The following XIRP2 variants were observed in gnomAD, a reference collection of about 807,000 sequenced individuals.
The protein encoded by XIRP2 is xin actin binding repeat containing 2.
A neutral mutation model predicts 277.0 loss-of-function variants in XIRP2; 236 were observed. The observed-to-expected ratio is 0.85, with a 90% CI of 0.77 to 0.95. The LOEUF (loss-of-function observed/expected upper bound fraction) is 0.95, where lower values mean the gene tolerates loss of function less well. Among genes scored for constraint, XIRP2 ranks in the 40% least tolerant of loss-of-function variants. XIRP2 has a pLI of 0.00. For synonymous variants in XIRP2, 1,490 were observed against 1,416.5 expected (o/e 1.05, Z -1.17); for missense variants, 4,640 against 4,157.5 (o/e 1.12, Z -3.19).
chr2:167,112,170 G>C (rs542947441), intron 2 of XIRP2, among the ~76,000 whole-genome samples: 2 of 151,768 alleles, frequency 1.3e-5, no homozygotes, highest in African/African-American at 4.8e-5. Flanking sequence ...ATTCATTTCA[G>C]CTCTGATTTT....
chr2:167,009,501 T>C lies in XIRP2; in HGVS notation c.408+105611T>C, dbSNP rs549317055. On this transcript the variant is annotated intron_variant, in intron 2 of 10. Transcript: ENST00000409195. ...GGGGTTGATTTCAAGTCTTTGCTAT[T>C]GTGAATAGTGCCGCAACAAACATGC... Among the ~76,000 whole-genome samples, 5 of 152,206 alleles carry C rather than the reference T, an allele frequency of 3.3e-5. 1 individual carries two copies. The South Asian group carries it at 1.0e-3, about 32-fold the overall frequency.
In XIRP2 at chr2:167,259,445, C is replaced by A. The variant is rs970919306; in HGVS notation, c.*1628C>A. On this transcript the variant is annotated 3_prime_UTR_variant, in exon 11 of 11. Coordinates refer to ENST00000409195, the MANE Select transcript of XIRP2 (RefSeq NM_152381.6). Reference sequence around the variant, plus strand: ...AAATAAGATTTTATGAATTTGGATACCCTTTTGAGGAACTTGATGTAAACA... The same window carrying A: ...AAATAAGATTTTATGAATTTGGATAACCTTTTGAGGAACTTGATGTAAACA... The A allele has an allele frequency of 2.7e-5, 37 of 1,374,492 alleles. 1 individual carries two copies. In the South Asian group the frequency reaches 5.3e-4, roughly 20 times the overall value. The allele number at this position is 1,374,492 out of a possible 1,614,324, so 85.1% of individuals were successfully genotyped here. A position where few individuals can be genotyped will look rare whatever the true frequency, so the allele number is the denominator to read the frequency against.
Position 166,963,014 on chromosome 2 carries a change from G to A in XIRP2, c.408+59124G>A, listed in dbSNP as rs1010470713. Among the ~76,000 whole-genome samples the A allele has an allele frequency of 2.6e-5, 4 of 151,684 alleles. No homozygotes were observed. In the South Asian group the frequency reaches 6.2e-4, roughly 24 times the overall value. On this transcript the variant is annotated intron_variant, in intron 2 of 10. Transcript: ENST00000409195. ...AATAGCTAGGAGGAGGATATTGAAT[G>A]TTCCCAACACAAAAAATGATAAATG...
intron 3 of XIRP2, among the ~76,000 whole-genome samples, chr2:167,162,401 G>A (rs1369407463): frequency 6.6e-6 from 1 of 152,186 alleles, no homozygotes; most frequent in Admixed American, 6.5e-5. Flanking sequence ...AGTTCCACAT[G>A]GCTGGGGAAG....
chr2:166,914,170 A>G (rs1684795208), intron 2 of XIRP2, among the ~76,000 whole-genome samples: 2 of 152,210 alleles, frequency 1.3e-5, no homozygotes, highest in African/African-American at 4.8e-5. Flanking sequence ...GCAAAGGCTG[A>G]CATGATGCAG....
chr2:167,064,016 C>A (rs1689238014), intron 2 of XIRP2, among the ~76,000 whole-genome samples: 1 of 151,366 alleles, frequency 6.6e-6, no homozygotes, highest in Non-Finnish European at 1.5e-5. Flanking sequence ...TTCTTTGTTT[C>A]TTTGTTAAAG....
At chr2:166,905,291 T>C (rs1237403656) in intron 2 of XIRP2, among the ~76,000 whole-genome samples, 1 of 151,990 alleles carries the variant, frequency 6.6e-6, no homozygotes, top group African/African-American at 2.4e-5. Context: ...TGTAATAATT[T>C]TGAATATTTA....
chr2:166,945,329 A>T (rs565185589), intron 2 of XIRP2, among the ~76,000 whole-genome samples: 2 of 152,086 alleles, frequency 1.3e-5, no homozygotes, highest in African/African-American at 4.8e-5. Context: ...ATAGGAGTGT[A>T]TGTCTTACAG....
Position 167,247,979 on chromosome 2 carries a change from A to T in XIRP2, c.6587A>T (p.Asn2196Ile), listed in dbSNP as rs1427127283. The T allele has an allele frequency of 6.2e-7, 1 of 1,611,656 alleles. No homozygotes were observed. Among genetic ancestry groups the T allele is most frequent in the South Asian group, 1.1e-5 (1 of 90,426 alleles). ...TLLKQETKYS[N>I]KDIKKKNINL... ...TTAAAGCAAGAAACAAAATATTCTA[A>T]TAAGGATATAAAGAAAAAGAATATA... Residue 2196 changes from asparagine (N) to isoleucine (I), a missense_variant, in exon 9 of 11, where the codon AAT becomes ATT. Asn to Ile is a moderately radical substitution (Grantham distance 149, BLOSUM62 -3). Coordinates refer to ENST00000409195, the MANE Select transcript of XIRP2 (RefSeq NM_152381.6).
At chr2:167,164,445 CAAAAAAAAAAAA>C (rs36066566) in intron 3 of XIRP2, among the ~76,000 whole-genome samples, 1 of 46,642 alleles carries the variant, frequency 2.1e-5, no homozygotes, top group African/African-American at 7.9e-5. Flanking sequence ...GACTCCGTCT[CAAAAAAAAAAAA>C]AAAAAAAAAA....
intron 2 of XIRP2, among the ~76,000 whole-genome samples, chr2:167,029,967 CTT>C (rs758661232): frequency 1.3e-5 from 2 of 151,952 alleles, no homozygotes; most frequent in African/African-American, 4.8e-5. Context: ...AGGAATTTAT[CTT>C]TTTCTTATAG....
chr2:167,038,421 A>C (rs563359519), intron 2 of XIRP2, among the ~76,000 whole-genome samples: 9 of 151,670 alleles, frequency 5.9e-5, no homozygotes, highest in Non-Finnish European at 1.2e-4. Context: ...TTTAATATAC[A>C]TAAATATTGT....
rs77555712 is a variant in XIRP2, at chr2:167,071,938, G to C, written c.409-63971G>C. On this transcript the variant is annotated intron_variant, in intron 2 of 10. Transcript: ENST00000409195. Reference sequence around the variant, plus strand: ...CCCAGCAGCTAGCATCACCCTACAGGTGGGGAGATAACCTTGCTCATAAAT... The same window carrying C: ...CCCAGCAGCTAGCATCACCCTACAGCTGGGGAGATAACCTTGCTCATAAAT... Among the ~76,000 whole-genome samples the C allele has an allele frequency of 2.5e-3, 388 of 152,274 alleles. 1 individual carries two copies. The highest frequency in any genetic ancestry group is 0.01 in the Middle Eastern group (3 of 294).
chr2:166,994,750 CAG>C (rs1302912157), intron 2 of XIRP2, among the ~76,000 whole-genome samples: 1 of 151,062 alleles, frequency 6.6e-6, no homozygotes. Context: ...AGTATTATGT[CAG>C]TGTTAATTTC....
intron 2 of XIRP2, among the ~76,000 whole-genome samples, chr2:166,941,203 G>A (rs113008781): frequency 1.3e-5 from 2 of 152,266 alleles, no homozygotes; most frequent in Middle Eastern, 3.4e-3. Context: ...ATTGCTGTGC[G>A]AGCAATGAGT....
chr2:167,129,393 C>G (rs1366702649), intron 2 of XIRP2, among the ~76,000 whole-genome samples: 1 of 152,052 alleles, frequency 6.6e-6, no homozygotes, highest in Non-Finnish European at 1.5e-5. Context: ...ATATATAAAG[C>G]AGTAGGGCAA....
At chr2:167,057,298 A>G (rs1337109303) in intron 2 of XIRP2, among the ~76,000 whole-genome samples, 1 of 152,164 alleles carries the variant, frequency 6.6e-6, no homozygotes, top group Non-Finnish European at 1.5e-5. Flanking sequence ...GATCACCAGG[A>G]AACCACATTC....
chr2:167,160,104 C>T (rs1559001678), intron 3 of XIRP2, among the ~76,000 whole-genome samples: 1 of 152,060 alleles, frequency 6.6e-6, no homozygotes, highest in Non-Finnish European at 1.5e-5. Flanking sequence ...ATGCCTGGCC[C>T]TGAAGTTCAT....
chr2:167,246,759 A>T lies in XIRP2; in HGVS notation c.5367A>T (p.Lys1789Asn), dbSNP rs754866808. Residue 1789 changes from lysine to asparagine, a missense_variant, in exon 9 of 11, where the codon AAA becomes AAT. By Grantham distance (94) the Lys-to-Asn change is moderately conservative. Transcript: ENST00000409195. ...TTGGTGGTGATGTTGAAGGTACAAA[A>T]CTGTTACTGAAGAAAAGGCAGTCTC... ...EIIGGDVEGT[K>N]LLLKKRQSLV... The T allele has an allele frequency of 6.2e-7, 1 of 1,613,768 alleles. No homozygotes were observed. The highest frequency in any genetic ancestry group is 1.3e-5 in the African/African-American group (1 of 74,900).
Sources: allele counts gnomAD v4.1 joint callset (sites outside exome capture counted in the v4.1 genomes callset), GRCh38; gene constraint gnomAD v4.1.1; transcripts MANE v1.5; gene names NCBI Gene and HGNC (gene_info 2026-07-23, HGNC 2026-07-21).